The following NEGR1 variants were observed in gnomAD, a reference collection of about 807,000 sequenced individuals.
The protein encoded by NEGR1 is neuronal growth regulator 1, also known as IgLON family member 4.
Under a neutral mutation model 40.9 loss-of-function variants are expected in NEGR1, and 10 were observed. The observed-to-expected ratio is 0.24, with a 90% confidence interval of 0.15 to 0.42. The LOEUF is 0.42. Ranked by LOEUF, NEGR1 falls within the 10% of genes least tolerant of loss-of-function variation. The pLI, the probability that NEGR1 is intolerant of heterozygous loss-of-function variation, is 1.00. For synonymous variants in NEGR1, 185 were observed against 166.8 expected, an observed-to-expected ratio of 1.11 and a Z score of -0.84; for missense variants, 352 against 438.9, an observed-to-expected ratio of 0.80 and a Z score of 1.77.
At chr1:71,927,702 A>T (rs922271039) in intron 2 of NEGR1, among the ~76,000 whole-genome samples, 1 of 151,158 alleles carries the variant, frequency 6.6e-6, no homozygotes, top group Non-Finnish European at 1.5e-5. Flanking sequence ...AGTCCTGGCC[A>T]GGCGTAGGGG....
At chr1:71,439,073 A>G (rs952975603) in intron 6 of NEGR1, among the ~76,000 whole-genome samples, 1 of 152,154 alleles carries the variant, frequency 6.6e-6, no homozygotes, top group African/African-American at 2.4e-5. Flanking sequence ...TGGTGAGCAA[A>G]TTCCCCAATC....
chr1:72,165,242 T>C (rs1034424604), intron 1 of NEGR1, among the ~76,000 whole-genome samples: 2 of 152,062 alleles, frequency 1.3e-5, no homozygotes, highest in African/African-American at 4.8e-5. Flanking sequence ...TGGTCACAAA[T>C]GTTCAGAACA....
intron 1 of NEGR1, among the ~76,000 whole-genome samples, chr1:71,968,749 T>C (rs1422116904): frequency 1.3e-5 from 2 of 152,244 alleles, no homozygotes; most frequent in Non-Finnish European, 2.9e-5. Context: ...GGTTTCATTA[T>C]GTGTAAAATT....
chr1:72,230,134 A>C (rs1464083968), intron 1 of NEGR1, among the ~76,000 whole-genome samples: 1 of 152,136 alleles, frequency 6.6e-6, no homozygotes, highest in Non-Finnish European at 1.5e-5. Context: ...CAAGCAGTCC[A>C]AAGTTCATGC....
chr1:72,137,788 G>C (rs1374783775), intron 1 of NEGR1, among the ~76,000 whole-genome samples: 1 of 152,066 alleles, frequency 6.6e-6, no homozygotes, highest in East Asian at 1.9e-4. Flanking sequence ...ACTAGTGATA[G>C]AGAAACTTTT....
At chr1:72,111,085 TACACACACACAC>T (rs72146902) in intron 1 of NEGR1, among the ~76,000 whole-genome samples, 1 of 128,436 alleles carries the variant, frequency 7.8e-6, no homozygotes, top group Non-Finnish European at 1.6e-5. Flanking sequence ...TATATATATA[TACACACACACAC>T]ACACACACAC....
At chr1:72,137,585 G>A (rs1650517490) in intron 1 of NEGR1, among the ~76,000 whole-genome samples, 1 of 151,864 alleles carries the variant, frequency 6.6e-6, no homozygotes, top group African/African-American at 2.4e-5. Flanking sequence ...TCACAGACTG[G>A]GGGTGGGGGC....
chr1:72,149,646 G>A (rs1480031313), intron 1 of NEGR1, among the ~76,000 whole-genome samples: 1 of 151,896 alleles, frequency 6.6e-6, no homozygotes, highest in African/African-American at 2.4e-5. Flanking sequence ...ACTTTGGGAG[G>A]CTGAGGTGGG....
At chr1:71,658,157 C>A (rs1221305515) in intron 4 of NEGR1, among the ~76,000 whole-genome samples, 2 of 152,144 alleles carry the variant, frequency 1.3e-5, no homozygotes, top group African/African-American at 4.8e-5. Flanking sequence ...ATCTCTTACA[C>A]TATATTAGAG....
intron 2 of NEGR1, among the ~76,000 whole-genome samples, chr1:71,897,287 A>G (rs1300119611): frequency 1.3e-5 from 2 of 152,164 alleles, no homozygotes; most frequent in East Asian, 1.9e-4. Context: ...GACTAAGCTC[A>G]TTATAACACA....
chr1:71,712,753 G>A (rs1654143933), intron 3 of NEGR1, among the ~76,000 whole-genome samples: 1 of 152,064 alleles, frequency 6.6e-6, no homozygotes, highest in African/African-American at 2.4e-5. Flanking sequence ...GGTCCTGGAG[G>A]GTGGTGACTG....
intron 6 of NEGR1, among the ~76,000 whole-genome samples, chr1:71,534,640 G>A (rs1488067254): frequency 1.3e-5 from 2 of 151,692 alleles, no homozygotes; most frequent in Non-Finnish European, 3.0e-5. Flanking sequence ...TCTTACTAAG[G>A]AGAGTCTGTA....
intron 4 of NEGR1, among the ~76,000 whole-genome samples, chr1:71,648,128 A>G (rs1327860770): frequency 6.6e-6 from 1 of 151,994 alleles, no homozygotes; most frequent in Admixed American, 6.6e-5. Context: ...AACTTTCTTA[A>G]AAGAATGCTT....
chr1:71,959,213 T>G (rs1234004014), intron 1 of NEGR1, among the ~76,000 whole-genome samples: 2 of 152,094 alleles, frequency 1.3e-5, no homozygotes, highest in East Asian at 3.9e-4. Flanking sequence ...CTACCTAAAA[T>G]CTATATATAT....
intron 6 of NEGR1, chr1:71,468,402 T>C (rs1557536747): frequency 6.6e-6 from 1 of 152,030 alleles, no homozygotes; most frequent in African/African-American, 2.4e-5. Context: ...AAAGCTGAGT[T>C]GAATTGATGA....
At chr1:72,239,062 A>G (rs543975926) in intron 1 of NEGR1, among the ~76,000 whole-genome samples, 1 of 151,992 alleles carries the variant, frequency 6.6e-6, no homozygotes, top group Non-Finnish European at 1.5e-5. Context: ...ATCTTACTTC[A>G]CATGACTTTT....
At chr1:71,927,119 T>A (rs1180266550) in intron 2 of NEGR1, among the ~76,000 whole-genome samples, 1 of 152,160 alleles carries the variant, frequency 6.6e-6, no homozygotes, top group East Asian at 1.9e-4. Flanking sequence ...CATAACCTAA[T>A]GAATGTCAAT....
At chr1:71,917,043 A>G (rs1205935885) in intron 2 of NEGR1, among the ~76,000 whole-genome samples, 2 of 152,182 alleles carry the variant, frequency 1.3e-5, no homozygotes, top group Non-Finnish European at 2.9e-5. Flanking sequence ...TATGCCCTCT[A>G]TAGCTCCATC....
At chr1:72,199,144 G>C (rs1653106377) in intron 1 of NEGR1, among the ~76,000 whole-genome samples, 1 of 140,084 alleles carries the variant, frequency 7.1e-6, no homozygotes, top group Non-Finnish European at 1.6e-5. Context: ...TATCTAGATA[G>C]ACAGACAGAG....
Sources: gnomAD v4.1 joint callset for allele counts (sites outside exome capture counted in the v4.1 genomes callset) on GRCh38, gnomAD v4.1.1 for gene constraint, MANE v1.5 for transcripts, NCBI Gene and HGNC (gene_info 2026-07-23, HGNC 2026-07-21) for gene names.